Variants in DAB1 observed in about 807,000 individuals in gnomAD.
DAB1 encodes the protein disabled homolog 1.
A neutral mutation model predicts 64.6 loss-of-function variants in DAB1; 15 were observed. The observed-to-expected ratio is 0.23, with a 90% CI of 0.16 to 0.36. DAB1 has a LOEUF of 0.36. Among genes scored for constraint, DAB1 ranks in the 10% least tolerant of loss-of-function variants. The pLI, the probability that DAB1 is intolerant of heterozygous loss-of-function variation, is 1.00. For missense variants in DAB1, 596 were observed against 706.7 expected (o/e 0.84, Z 1.78); for synonymous variants, 235 against 251.9 (o/e 0.93, Z 0.64).
chr1:57,271,297 G>T (rs1240905085), intron 2 of DAB1, among the ~76,000 whole-genome samples: 4 of 152,288 alleles, frequency 2.6e-5, no homozygotes, highest in Non-Finnish European at 4.4e-5. Flanking sequence ...CAAAGAAACA[G>T]AACATGACTG....
chr1:58,450,416 C>A (rs540438631), intron 3 of DAB1, among the ~76,000 whole-genome samples: 38 of 152,266 alleles, frequency 2.5e-4, no homozygotes, highest in East Asian at 9.6e-4. Context: ...TTCTTTCCCC[C>A]CAATGTGTGG....
intron 1 of DAB1, among the ~76,000 whole-genome samples, chr1:58,539,634 T>G (rs1017438064): frequency 6.6e-6 from 1 of 152,210 alleles, no homozygotes; most frequent in Non-Finnish European, 1.5e-5. Flanking sequence ...AAAACAACAG[T>G]AAAACTTTAT....
chr1:57,305,222 A>C (rs1468707881), intron 1 of DAB1, among the ~76,000 whole-genome samples: 1 of 152,250 alleles, frequency 6.6e-6, no homozygotes. Flanking sequence ...GAGAGGAGGG[A>C]AAGGCTACCA....
chr1:57,676,627 T>C (rs1413622650), intron 6 of DAB1, among the ~76,000 whole-genome samples: 4 of 152,158 alleles, frequency 2.6e-5, no homozygotes, highest in Non-Finnish European at 2.9e-5. Flanking sequence ...GGGAAAAATC[T>C]CAAGTCCTCA....
intron 3 of DAB1, among the ~76,000 whole-genome samples, chr1:58,431,318 G>A (rs1644868137): frequency 6.6e-6 from 1 of 152,138 alleles, no homozygotes; most frequent in South Asian, 2.1e-4. Context: ...CCAGCACTCT[G>A]GGAGGCCGAG....
intron 7 of DAB1, among the ~76,000 whole-genome samples, chr1:57,481,532 G>A (rs1026243714): frequency 1.3e-5 from 2 of 152,120 alleles, no homozygotes; most frequent in Non-Finnish European, 2.9e-5. Flanking sequence ...CGATGATGAC[G>A]ATGATGATGA....
intron 4 of DAB1, among the ~76,000 whole-genome samples, chr1:57,102,227 T>C (rs1275402738): frequency 1.3e-5 from 2 of 151,390 alleles, no homozygotes; most frequent in Non-Finnish European, 2.9e-5. Context: ...TCAGTCTCTC[T>C]CTCTTTCTCT....
chr1:58,372,092 G>A (rs954245727), intron 3 of DAB1, among the ~76,000 whole-genome samples: 2 of 152,152 alleles, frequency 1.3e-5, no homozygotes, highest in Non-Finnish European at 2.9e-5. Flanking sequence ...CCCCAAAATG[G>A]TAGATCCACT....
In DAB1 at chr1:58,092,551, C is replaced by T. The variant is rs376513060; in HGVS notation, n.387+57960G>A. 2.6e-4 allele frequency among the ~76,000 whole-genome samples: 40 copies of T among 152,266 alleles called. No homozygotes were observed. In the East Asian group the frequency reaches 6.0e-3, roughly 23 times the overall value. ...AGAAAACACCTTCCCTAAAGTTCAACCCCCACTCCCCAGCAGACTTCCAGG... is the reference window on the plus strand; with the variant it reads ...AGAAAACACCTTCCCTAAAGTTCAATCCCCACTCCCCAGCAGACTTCCAGG... On this transcript the variant is annotated intron_variant and non_coding_transcript_variant, in intron 5 of 20. Coordinates refer to the DAB1 transcript ENST00000485760.
chr1:57,553,161 A>T (rs1644934188), intron 7 of DAB1, among the ~76,000 whole-genome samples: 1 of 151,764 alleles, frequency 6.6e-6, no homozygotes, highest in Admixed American at 6.6e-5. Context: ...TGGGTGATTT[A>T]TCTGGGGTTG....
intron 3 of DAB1, among the ~76,000 whole-genome samples, chr1:58,495,409 T>TA (rs1645782795): frequency 1.3e-5 from 2 of 152,158 alleles, no homozygotes; most frequent in Non-Finnish European, 2.9e-5. Context: ...CCCTAAAACT[T>TA]AAAGTATAAT....
chr1:57,963,561 A>G (rs1203138274), intron 5 of DAB1, among the ~76,000 whole-genome samples: 4 of 152,190 alleles, frequency 2.6e-5, no homozygotes, highest in Admixed American at 2.0e-4. Flanking sequence ...GAGCACAAGA[A>G]TTGATCATTA....
intron 4 of DAB1, among the ~76,000 whole-genome samples, chr1:57,134,176 C>G (rs573303040): frequency 2.2e-4 from 34 of 152,120 alleles, no homozygotes; most frequent in Non-Finnish European, 3.8e-4. Context: ...GATAGAAAAG[C>G]CTTCTTACTG....
At chr1:57,107,490 C>T (rs941769321) in intron 4 of DAB1, among the ~76,000 whole-genome samples, 1 of 151,744 alleles carries the variant, frequency 6.6e-6, no homozygotes, top group Non-Finnish European at 1.5e-5. Context: ...AGAACCAGCA[C>T]TCAAGGAGCT....
At chr1:57,095,034 C>A (rs908728381) in intron 4 of DAB1, among the ~76,000 whole-genome samples, 1 of 152,100 alleles carries the variant, frequency 6.6e-6, no homozygotes, top group Non-Finnish European at 1.5e-5. Context: ...CCTTTTTTGG[C>A]TACTGCTTCT....
At chr1:58,277,109 G>A (rs1569594893) in intron 4 of DAB1, among the ~76,000 whole-genome samples, 1 of 146,862 alleles carries the variant, frequency 6.8e-6, no homozygotes, top group Non-Finnish European at 1.5e-5. Context: ...GTATGATCTC[G>A]GCTCCCTGCA....
chr1:57,692,867 C>A (rs1012058562), intron 6 of DAB1, among the ~76,000 whole-genome samples: 3 of 151,978 alleles, frequency 2.0e-5, no homozygotes, highest in African/African-American at 7.3e-5. Flanking sequence ...CGAGATGCTA[C>A]CCGGCATTTA....
At chr1:58,350,160 T>A (rs1644037975) in intron 3 of DAB1, among the ~76,000 whole-genome samples, 1 of 152,238 alleles carries the variant, frequency 6.6e-6, no homozygotes, top group African/African-American at 2.4e-5. Flanking sequence ...CTAAGTGGCA[T>A]GAGATGGTAT....
At chr1:58,074,836 A>G (rs903839425) in intron 5 of DAB1, among the ~76,000 whole-genome samples, 15 of 152,062 alleles carry the variant, frequency 9.9e-5, no homozygotes, top group African/African-American at 3.4e-4. Context: ...AAAGGCAGGG[A>G]ACATTTCCTG....
Sources: allele counts gnomAD v4.1 joint callset (sites outside exome capture counted in the v4.1 genomes callset), GRCh38; gene constraint gnomAD v4.1.1; transcripts MANE v1.5; gene names NCBI Gene and HGNC (gene_info 2026-07-23, HGNC 2026-07-21).